Variants in CDH4 observed in about 807,000 individuals in gnomAD.
CDH4 encodes the protein cadherin 4, also known as cadherin-4.
CDH4 carries 33 observed loss-of-function variants against 86.0 expected under a neutral mutation model. The observed-to-expected ratio is 0.38, with a 90% CI of 0.29 to 0.51. The LOEUF (loss-of-function observed/expected upper bound fraction) is 0.51. Among genes scored for constraint, CDH4 ranks in the 20% least tolerant of loss-of-function variants. The pLI is 0.86. For missense variants in CDH4, 1,114 were observed against 1,307.4 expected, an observed-to-expected ratio of 0.85 and a Z score of 2.28; for synonymous variants, 555 against 549.4, an observed-to-expected ratio of 1.01 and a Z score of -0.14.
At chr20:61,652,642 A>G (rs2087133685) in intron 2 of CDH4, among the ~76,000 whole-genome samples, 1 of 152,056 alleles carries the variant, frequency 6.6e-6, no homozygotes, top group South Asian at 2.1e-4. Flanking sequence ...AAATACTTCC[A>G]TATCATCTTC....
At position 61,516,067 on chromosome 20, in the gene CDH4, G is replaced by A. The variant is rs149578438; in HGVS notation, c.170-227496G>A. Among the ~76,000 whole-genome samples, 153 of 152,268 alleles carry A rather than the reference G, an allele frequency of 1.0e-3. No homozygotes were observed. Among genetic ancestry groups the A allele is most frequent in the Admixed American group, 2.1e-3 (32 of 15,304 alleles). On this transcript the variant is annotated intron_variant, in intron 2 of 15. Transcript: ENST00000614565. The surrounding 1 kb of genome is among the most constrained non-coding windows in gnomAD (Gnocchi z 4.0). Reference sequence around the variant, plus strand: ...CCCAATACGATTCCACCGCAGGCAGGCAGCTCCCTCACCACAGGGGCTCGC... The same window carrying A: ...CCCAATACGATTCCACCGCAGGCAGACAGCTCCCTCACCACAGGGGCTCGC...
At position 61,503,618 on chromosome 20, in the gene CDH4, A is replaced by T. The variant is rs570123079; in HGVS notation, c.170-239945A>T. The stretch of plus-strand genomic sequence containing the variant: ...TAGAGGTAATATGTCATAAGGACAT[A>T]GGTCATACTTTAACCTTGAATTCAG... On this transcript the variant is annotated intron_variant, in intron 2 of 15. Transcript: ENST00000614565. 3.7e-4 allele frequency among the ~76,000 whole-genome samples: 57 copies of T among 152,352 alleles called. 1 individual carries two copies. Among genetic ancestry groups the T allele is most frequent in the East Asian group, 1.3e-3 (7 of 5,188 alleles).
In CDH4 at chr20:61,832,621, G is replaced by T. The variant is rs188238969; in HGVS notation, c.577-12047G>T. On this transcript the variant is annotated intron_variant, in intron 4 of 15. Coordinates refer to ENST00000614565, the MANE Select transcript of CDH4 (RefSeq NM_001794.5). ...AGAGAGAAGTGCGAGCAGGGGACAC[G>T]CCAGACACTTATGAAACCATCAGAT... 2.7e-4 allele frequency among the ~76,000 whole-genome samples: 41 copies of T among 152,220 alleles called. 1 individual carries two copies. The highest frequency in any genetic ancestry group is 9.6e-4 in the African/African-American group (40 of 41,524).
chr20:61,286,552 C>A (rs1047622798), intron 2 of CDH4, among the ~76,000 whole-genome samples: 11 of 152,216 alleles, frequency 7.2e-5, no homozygotes, highest in Non-Finnish European at 1.5e-4. Context: ...GCTTTTACTT[C>A]AGGAGTGAAA....
At position 61,255,037 on chromosome 20, in the gene CDH4, C is replaced by G. The variant is rs920099429; in HGVS notation, c.169+100C>G. ...GCAAGGCTTGCCTCATCTTTGTGCTCTCTGTGAAATGATGGTGGTGAAGTC... is the reference window on the plus strand; with the variant it reads ...GCAAGGCTTGCCTCATCTTTGTGCTGTCTGTGAAATGATGGTGGTGAAGTC... On this transcript the variant is annotated intron_variant, in intron 2 of 15. Coordinates refer to ENST00000614565, the MANE Select transcript of CDH4 (RefSeq NM_001794.5). 35 of 759,370 alleles carry G rather than the reference C, an allele frequency of 4.6e-5. No individual in the cohort carries two copies. In the East Asian group the frequency reaches 7.5e-4, roughly 16 times the overall value. 47.0% of individuals were successfully genotyped at this position (759,370 alleles called of 1,614,324 possible).
chr20:61,477,631 T>G (rs2085546192), intron 2 of CDH4, among the ~76,000 whole-genome samples: 1 of 152,208 alleles, frequency 6.6e-6, no homozygotes, highest in Non-Finnish European at 1.5e-5. Context: ...CATCCTGCGG[T>G]TGACACACAG....
intron 2 of CDH4, among the ~76,000 whole-genome samples, chr20:61,617,695 G>C (rs913900355): frequency 1.3e-5 from 2 of 152,216 alleles, no homozygotes; most frequent in Non-Finnish European, 2.9e-5. Flanking sequence ...CCAAGAATCA[G>C]CTGGAACCGG....
intron 4 of CDH4, among the ~76,000 whole-genome samples, chr20:61,815,068 G>A (rs1433361472): frequency 6.6e-6 from 1 of 152,162 alleles, no homozygotes; most frequent in African/African-American, 2.4e-5. Flanking sequence ...TCATTGAATA[G>A]GATGCTAGGA....
intron 2 of CDH4, among the ~76,000 whole-genome samples, chr20:61,273,809 A>G (rs1216615482): frequency 6.4e-4 from 53 of 83,040 alleles, no homozygotes; most frequent in South Asian, 9.1e-4. Flanking sequence ...GTAGTACCAT[A>G]TGCAGTTTGG....
intron 2 of CDH4, among the ~76,000 whole-genome samples, chr20:61,729,030 G>A (rs1290926292): frequency 6.6e-6 from 1 of 152,204 alleles, no homozygotes; most frequent in African/African-American, 2.4e-5. Context: ...ATGCCGGGAA[G>A]AATGTCAGTC....
At chr20:61,688,247 A>T (rs1017487239) in intron 2 of CDH4, among the ~76,000 whole-genome samples, 1 of 152,058 alleles carries the variant, frequency 6.6e-6, no homozygotes, top group African/African-American at 2.4e-5. Context: ...GAGCAATACC[A>T]TGCAAATAGC....
At chr20:61,412,226 T>C (rs1490887011) in intron 2 of CDH4, among the ~76,000 whole-genome samples, 1 of 152,160 alleles carries the variant, frequency 6.6e-6, no homozygotes. Flanking sequence ...GCAAACACTC[T>C]AGCAAGAAAC....
intron 2 of CDH4, among the ~76,000 whole-genome samples, chr20:61,280,645 G>A (rs770141686): frequency 1.3e-5 from 2 of 152,210 alleles, no homozygotes; most frequent in African/African-American, 4.8e-5. Flanking sequence ...TCAGATACAC[G>A]GACTTATGGG....
chr20:61,402,368 T>G (rs6061752), intron 2 of CDH4, among the ~76,000 whole-genome samples: 9,970 of 151,752 alleles, frequency 0.066, 1,087 homozygotes, highest in African/African-American at 0.23. Context: ...AAGAAAAGTC[T>G]GTACATGTTC....
intron 13 of CDH4, among the ~76,000 whole-genome samples, chr20:61,931,658 G>C (rs2055111684): frequency 6.6e-6 from 1 of 152,170 alleles, no homozygotes; most frequent in South Asian, 2.1e-4. Flanking sequence ...CATTTACTGG[G>C]GGCGTGGGCT....
intron 6 of CDH4, among the ~76,000 whole-genome samples, chr20:61,854,213 C>T (rs1362388372): frequency 6.6e-6 from 1 of 152,166 alleles, no homozygotes; most frequent in Non-Finnish European, 1.5e-5. Context: ...GGGCCAGCTC[C>T]CAGGGGCACC....
chr20:61,602,701 A>T (rs939639141), intron 2 of CDH4, among the ~76,000 whole-genome samples: 3 of 146,506 alleles, frequency 2.0e-5, no homozygotes, highest in African/African-American at 7.9e-5. Flanking sequence ...TATTAAAAAA[A>T]AAAAAAAAAA....
chr20:61,365,946 TGTATGAGCTGGGAGATA>T, intron 2 of CDH4, among the ~76,000 whole-genome samples: 1 of 152,206 alleles, frequency 6.6e-6, no homozygotes, highest in Admixed American at 6.5e-5. Flanking sequence ...AGAGGATGCA[TGTATGAGCTGGGAGATA>T]ATTTAATGAT....
At chr20:61,365,191 G>A (rs1191519383) in intron 2 of CDH4, among the ~76,000 whole-genome samples, 1 of 152,198 alleles carries the variant, frequency 6.6e-6, no homozygotes, top group Non-Finnish European at 1.5e-5. Context: ...CATCATGGGG[G>A]CAGAAATGGT....
Sources: allele counts gnomAD v4.1 joint callset (sites outside exome capture counted in the v4.1 genomes callset), GRCh38; gene constraint gnomAD v4.1.1; non-coding constraint Gnocchi (gnomAD v3.1); transcripts MANE v1.5; gene names NCBI Gene and HGNC (gene_info 2026-07-23, HGNC 2026-07-21).